Variants in CNTNAP3B observed in about 807,000 individuals in gnomAD.
CNTNAP3B encodes contactin-associated protein-like 3B.
In CNTNAP3B, 25 loss-of-function variants were observed where a neutral mutation model predicts 108.9. The ratio of observed to expected loss-of-function variants is 0.23; its 90% CI spans 0.17 to 0.32. The LOEUF (loss-of-function observed/expected upper bound fraction) is 0.32. Among genes scored for constraint, CNTNAP3B ranks in the 10% least tolerant of loss-of-function variants. The probability of loss-of-function intolerance (pLI) is 1.00; values close to 1 mark genes in which losing one functional copy is unlikely to be tolerated. For synonymous variants in CNTNAP3B, 103 were observed against 473.4 expected (o/e 0.22, Z 10.16); for missense variants, 252 against 1,210.4 (o/e 0.21, Z 11.75).
chr9:41,958,927 C>T (rs1319132295), intron 12 of CNTNAP3B, among the ~76,000 whole-genome samples: 1 of 139,580 alleles, frequency 7.2e-6, no homozygotes. Context: ...GTGTGGGGAT[C>T]CTTCTCTGTC....
intron 4 of CNTNAP3B, among the ~76,000 whole-genome samples, chr9:42,002,840 A>C (rs1277814413): frequency 1.5e-5 from 2 of 135,380 alleles, no homozygotes; most frequent in Non-Finnish European, 3.1e-5. Flanking sequence ...GACATAAGTA[A>C]TTTTGAGTTG....
intron 4 of CNTNAP3B, among the ~76,000 whole-genome samples, chr9:42,004,416 GA>G: frequency 2.8e-5 from 1 of 35,294 alleles, no homozygotes; most frequent in African/African-American, 9.1e-5. Context: ...ATAGACATTT[GA>G]ACTGTTTCCA....
intron 16 of CNTNAP3B, among the ~76,000 whole-genome samples, chr9:41,923,396 G>A (rs1392872406): frequency 2.6e-5 from 4 of 151,588 alleles, no homozygotes; most frequent in Admixed American, 6.6e-5. Context: ...CTGCTGTTCA[G>A]TACTCTAGGG....
chr9:41,993,581 C>A (rs1237235856), intron 7 of CNTNAP3B: 1 of 106,268 alleles, frequency 9.4e-6, no homozygotes, highest in African/African-American at 3.7e-5. Context: ...CACATGTAAT[C>A]ACTGGACTAT....
intron 2 of CNTNAP3B, among the ~76,000 whole-genome samples, chr9:42,086,443 A>G (rs1827706412): frequency 7.3e-6 from 1 of 136,334 alleles, no homozygotes; most frequent in South Asian, 2.3e-4. Context: ...TTTTTTTTTT[A>G]CATTTTTTTT....
Position 42,080,440 on chromosome 9 carries a change from A to T in CNTNAP3B, c.197-3378T>A, listed in dbSNP as rs1252506745. On this transcript the variant is annotated intron_variant, in intron 2 of 23. Transcript: ENST00000377561. ...ATTTTAAGGGTAAGCTGCTGTGCAC[A>T]CAATTTAATTAAACGCTGAGTGGAA... 1.4e-5 allele frequency among the ~76,000 whole-genome samples: 2 copies of T among 139,494 alleles called. 1 individual carries two copies. Among genetic ancestry groups the T allele is most frequent in the Non-Finnish European group, 3.1e-5 (2 of 65,046 alleles). 91.5% of individuals were successfully genotyped at this position (139,494 alleles called of 152,430 possible).
chr9:41,934,140 T>TACAC (rs1313208567), intron 14 of CNTNAP3B, among the ~76,000 whole-genome samples: 1 of 113,392 alleles, frequency 8.8e-6, no homozygotes. Context: ...CATATATATA[T>TACAC]ACACACACAT....
chr9:41,963,786 C>G (rs1825179253), intron 11 of CNTNAP3B, among the ~76,000 whole-genome samples: 1 of 152,290 alleles, frequency 6.6e-6, no homozygotes, highest in Admixed American at 6.5e-5. Context: ...CATCTTCCCA[C>G]AAACTAGCTG....
intron 14 of CNTNAP3B, among the ~76,000 whole-genome samples, chr9:41,929,923 A>G (rs1294747165): frequency 6.6e-6 from 1 of 152,124 alleles, no homozygotes; most frequent in Non-Finnish European, 1.5e-5. Context: ...CCGTTTGCCA[A>G]TTCCTGATCT....
In CNTNAP3B at chr9:42,120,654, G is replaced by A. The variant is rs1828441202; in HGVS notation, c.85+8356C>T. Reference sequence around the variant, plus strand: ...ATACTATGCAGCCATAAAAAATGATGAGTTCATGTCCTTTGTAGGGACATG... The same window carrying A: ...ATACTATGCAGCCATAAAAAATGATAAGTTCATGTCCTTTGTAGGGACATG... On this transcript the variant is annotated intron_variant, in intron 1 of 23. Coordinates refer to ENST00000377561, the MANE Select transcript of CNTNAP3B (RefSeq NM_001201380.3). Among the ~76,000 whole-genome samples, 2 of 137,352 alleles carry A rather than the reference G, an allele frequency of 1.5e-5. 1 individual carries two copies. The highest frequency in any genetic ancestry group is 5.8e-5 in the African/African-American group (2 of 34,362). The allele number at this position is 137,352 out of a possible 152,430, so 90.1% of individuals were successfully genotyped here.
chr9:42,062,878 T>A (rs187092147), intron 3 of CNTNAP3B, among the ~76,000 whole-genome samples: 1 of 96,584 alleles, frequency 1.0e-5, no homozygotes, highest in African/African-American at 3.9e-5. Context: ...GCAGCAAGTT[T>A]TTTTTAACTT....
chr9:41,924,823 T>G (rs1823768380), intron 15 of CNTNAP3B, among the ~76,000 whole-genome samples: 1 of 152,292 alleles, frequency 6.6e-6, no homozygotes, highest in Non-Finnish European at 1.5e-5. Context: ...TTTATTCTGG[T>G]ACAGTGTGTG....
At position 42,110,725 on chromosome 9, in the gene CNTNAP3B, T is replaced by A. The variant is rs1828178741; in HGVS notation, c.86-5986A>T. Among the ~76,000 whole-genome samples, 2 of 136,748 alleles carry A rather than the reference T, an allele frequency of 1.5e-5. 1 individual carries two copies. Among genetic ancestry groups the A allele is most frequent in the African/African-American group, 5.9e-5 (2 of 34,152 alleles). 89.7% of individuals were successfully genotyped at this position (136,748 alleles called of 152,430 possible). ...TCTTCAGGCCACGTCTGGATGTTCA[T>A]CTGGATACGGCGCTATTCCATTCTT... On this transcript the variant is annotated intron_variant, in intron 1 of 23. Coordinates refer to ENST00000377561, the MANE Select transcript of CNTNAP3B (RefSeq NM_001201380.3).
intron 12 of CNTNAP3B, among the ~76,000 whole-genome samples, chr9:41,956,485 T>C (rs1824863527): frequency 6.6e-6 from 1 of 152,250 alleles, no homozygotes; most frequent in African/African-American, 2.4e-5. Flanking sequence ...GTAGAACTAC[T>C]GTAAACGGGG....
intron 13 of CNTNAP3B, among the ~76,000 whole-genome samples, chr9:41,948,490 T>C (rs1270818566): frequency 1.4e-5 from 2 of 147,728 alleles, no homozygotes; most frequent in Non-Finnish European, 3.0e-5. Context: ...ATTCATTTTA[T>C]GTAGGCAGTA....
chr9:41,977,428 T>C (rs1484432073), intron 9 of CNTNAP3B, among the ~76,000 whole-genome samples: 1 of 139,402 alleles, frequency 7.2e-6, no homozygotes, highest in African/African-American at 2.8e-5. Flanking sequence ...CTATAGCAAA[T>C]GTTTTAATAC....
At chr9:42,037,241 G>A (rs1398696993) in intron 3 of CNTNAP3B, among the ~76,000 whole-genome samples, 3 of 141,086 alleles carry the variant, frequency 2.1e-5, no homozygotes, top group Middle Eastern at 3.3e-3. Context: ...GATGATCTGT[G>A]CACATGTACC....
chr9:42,113,004 C>T (rs1186694343), intron 1 of CNTNAP3B, among the ~76,000 whole-genome samples: 1 of 132,642 alleles, frequency 7.5e-6, no homozygotes, highest in Non-Finnish European at 1.6e-5. Context: ...ATCCACCTGC[C>T]TCAACCTCCC....
chr9:41,931,971 C>A (rs1314305395), intron 14 of CNTNAP3B, among the ~76,000 whole-genome samples: 32 of 152,240 alleles, frequency 2.1e-4, no homozygotes, highest in Non-Finnish European at 2.4e-4. Context: ...TTAATTAGGG[C>A]AGATACTATA....
Sources: allele counts gnomAD v4.1 joint callset (sites outside exome capture counted in the v4.1 genomes callset), GRCh38; gene constraint gnomAD v4.1.1; transcripts MANE v1.5; gene names NCBI Gene and HGNC (gene_info 2026-07-23, HGNC 2026-07-21).